Variants in METTL15 observed in about 807,000 individuals in gnomAD.
The protein encoded by METTL15 is 12S rRNA N(4)-cytidine methyltransferase METTL15.
METTL15 carries 34 observed loss-of-function variants against 38.3 expected under a neutral mutation model. The ratio of observed to expected loss-of-function variants is 0.89; its 90% confidence interval spans 0.68 to 1.18. The LOEUF (loss-of-function observed/expected upper bound fraction) is 1.18, where lower values mean the gene tolerates loss of function less well. Among genes scored for constraint, METTL15 ranks in the 50% most tolerant of loss-of-function variants. METTL15 has a pLI of 0.00. For synonymous variants in METTL15, 162 were observed against 170.9 expected, an observed-to-expected ratio of 0.95 and a Z score of 0.41; for missense variants, 438 against 498.4, an observed-to-expected ratio of 0.88 and a Z score of 1.15.
At chr11:28,327,445 TTTTAA>T (rs765313635) in intron 6 of METTL15, 1 of 152,340 alleles carries the variant, frequency 6.6e-6, no homozygotes, top group Non-Finnish European at 1.5e-5. Flanking sequence ...ATTGCAGTGG[TTTTAA>T]TTTGTCAGCT....
At chr11:28,367,776 C>A (rs1331057398) in intron 5 of METTL15, among the ~76,000 whole-genome samples, 1 of 152,026 alleles carries the variant, frequency 6.6e-6, no homozygotes, top group African/African-American at 2.4e-5. Context: ...GAACAGAGGC[C>A]TAAGAAATAA....
chr11:28,221,888 G>A (rs561624506), intron 4 of METTL15, among the ~76,000 whole-genome samples: 1 of 152,170 alleles, frequency 6.6e-6, no homozygotes, highest in African/African-American at 2.4e-5. Context: ...AACAGCAAAT[G>A]TTGCTGCCTG....
chr11:28,280,315 A>G (rs1265789984), intron 4 of METTL15, among the ~76,000 whole-genome samples: 2 of 152,054 alleles, frequency 1.3e-5, no homozygotes, highest in African/African-American at 2.4e-5. Flanking sequence ...TTAATTTTTG[A>G]TGGAAATTTG....
intron 5 of METTL15, chr11:28,410,748 C>T (rs1338282590): frequency 6.6e-6 from 1 of 151,970 alleles, no homozygotes; most frequent in African/African-American, 2.4e-5. Flanking sequence ...TTCCATTCAA[C>T]ATAGTACTGG....
chr11:28,527,218 T>C (rs1257619654), downstream of METTL15, among the ~76,000 whole-genome samples: 2 of 152,208 alleles, frequency 1.3e-5, no homozygotes, highest in African/African-American at 2.4e-5. Flanking sequence ...TTTAGTTAGT[T>C]ACTTTACCTT....
intron 6 of METTL15, among the ~76,000 whole-genome samples, chr11:28,504,027 C>T (rs949182060): frequency 6.6e-6 from 1 of 151,176 alleles, no homozygotes; most frequent in Non-Finnish European, 1.5e-5. Context: ...GAAACATCGT[C>T]TCTACTAAAA....
chr11:28,490,767 G>T (rs950976946), intron 6 of METTL15, among the ~76,000 whole-genome samples: 5 of 152,234 alleles, frequency 3.3e-5, no homozygotes, highest in Non-Finnish European at 5.9e-5. Flanking sequence ...GTCCTTATCT[G>T]TTGGAGACAA....
At chr11:28,142,155 CTTTG>C (rs1175497700) in intron 3 of METTL15, among the ~76,000 whole-genome samples, 7 of 152,096 alleles carry the variant, frequency 4.6e-5, no homozygotes, top group Non-Finnish European at 8.8e-5. Flanking sequence ...TGTTAATTGA[CTTTG>C]TTTATGATTC....
intron 4 of METTL15, among the ~76,000 whole-genome samples, chr11:28,258,635 G>A (rs1233107612): frequency 2.0e-5 from 3 of 152,078 alleles, no homozygotes; most frequent in African/African-American, 7.2e-5. Flanking sequence ...AGGCAGAGGA[G>A]CCTCACTCCA....
At chr11:28,258,729 C>T (rs1025518643) in intron 4 of METTL15, among the ~76,000 whole-genome samples, 2 of 152,066 alleles carry the variant, frequency 1.3e-5, no homozygotes, top group African/African-American at 4.8e-5. Flanking sequence ...CTTTTGTCAG[C>T]TTGTGGTAAA....
At chr11:28,436,833 G>T (rs1195558459) in intron 6 of METTL15, among the ~76,000 whole-genome samples, 1 of 152,110 alleles carries the variant, frequency 6.6e-6, no homozygotes, top group East Asian at 1.9e-4. Flanking sequence ...GCAAAGTATT[G>T]TTCCTGGGTG....
chr11:28,502,828 T>A (rs1290135240), intron 6 of METTL15, among the ~76,000 whole-genome samples: 3 of 152,156 alleles, frequency 2.0e-5, no homozygotes, highest in Non-Finnish European at 4.4e-5. Context: ...GGGTCTTCTG[T>A]TCTCTTTGCT....
At chr11:28,237,421 C>T (rs969514034) in intron 4 of METTL15, among the ~76,000 whole-genome samples, 26 of 152,318 alleles carry the variant, frequency 1.7e-4, no homozygotes, top group East Asian at 5.8e-4. Flanking sequence ...GCATTCTTCA[C>T]GTAGTTCTCG....
chr11:28,217,830 T>G (rs1852971383), intron 4 of METTL15, among the ~76,000 whole-genome samples: 1 of 152,156 alleles, frequency 6.6e-6, no homozygotes, highest in Admixed American at 6.5e-5. Flanking sequence ...TTTCTCCATT[T>G]CTTGTTTTTG....
intron 6 of METTL15, among the ~76,000 whole-genome samples, chr11:28,322,601 A>T (rs958609112): frequency 2.0e-5 from 3 of 152,256 alleles, no homozygotes; most frequent in African/African-American, 7.2e-5. Context: ...TATATTTAGA[A>T]ATATTGATCC....
In METTL15 at chr11:28,178,587, G is replaced by GT. The variant is rs1033519347; in HGVS notation, c.271-32467dup. On this transcript the variant is annotated intron_variant, in intron 3 of 6. Transcript: ENST00000407364. Reference sequence around the variant, plus strand: ...TACAAGGCCAGATATTAATAGTCTGGTTTTTTTTGGTCAAGAACACTATTT... The same window carrying GT: ...TACAAGGCCAGATATTAATAGTCTGGTTTTTTTTTGGTCAAGAACACTATTT... Among the ~76,000 whole-genome samples the GT allele has an allele frequency of 2.2e-4, 33 of 151,246 alleles. 1 individual carries two copies. Among genetic ancestry groups the GT allele is most frequent in the African/African-American group, 7.8e-4 (32 of 41,260 alleles).
intron 4 of METTL15, among the ~76,000 whole-genome samples, chr11:28,253,195 C>A (rs1371628615): frequency 6.6e-6 from 1 of 152,190 alleles, no homozygotes; most frequent in Non-Finnish European, 1.5e-5. Context: ...AATTGCTACT[C>A]AGTAGGCTGA....
chr11:28,529,800 G>C (rs1267436209), downstream of METTL15, among the ~76,000 whole-genome samples: 2 of 152,048 alleles, frequency 1.3e-5, no homozygotes, highest in Non-Finnish European at 2.9e-5. Context: ...TGGACAAAAT[G>C]TCATTTAAAT....
chr11:28,457,150 T>G (rs926094814), intron 6 of METTL15, among the ~76,000 whole-genome samples: 2 of 152,202 alleles, frequency 1.3e-5, no homozygotes, highest in African/African-American at 4.8e-5. Context: ...GGGTTCTAAG[T>G]TGTAAGAAGA....
Sources: allele counts gnomAD v4.1 joint callset (sites outside exome capture counted in the v4.1 genomes callset), GRCh38; gene constraint gnomAD v4.1.1; transcripts MANE v1.5; gene names NCBI Gene and HGNC (gene_info 2026-07-23, HGNC 2026-07-21).